Variants in THSD7B observed in about 807,000 individuals in gnomAD.
The protein encoded by THSD7B is thrombospondin type 1 domain containing 7B.
THSD7B carries 138 observed loss-of-function variants against 213.6 expected under a neutral mutation model. The observed-to-expected ratio is 0.65, with a 90% confidence interval of 0.56 to 0.74. THSD7B has a LOEUF of 0.74. Among genes scored for constraint, THSD7B ranks in the 30% least tolerant of loss-of-function variants. The pLI is 0.00. For missense variants in THSD7B, 1,931 were observed against 1,991.5 expected (o/e 0.97, Z 0.58); for synonymous variants, 742 against 687.0 (o/e 1.08, Z -1.25).
chr2:136,966,129 G>T (rs895256335), intron 2 of THSD7B, among the ~76,000 whole-genome samples: 2 of 152,086 alleles, frequency 1.3e-5, no homozygotes, highest in African/African-American at 4.8e-5. Context: ...TCTCACAGTG[G>T]TCTCAGGGAT....
At chr2:137,365,270 T>C (rs1404924911) in intron 12 of THSD7B, among the ~76,000 whole-genome samples, 1 of 152,042 alleles carries the variant, frequency 6.6e-6, no homozygotes, top group Admixed American at 6.6e-5. Context: ...ACCTGTTAGA[T>C]CTAAAACCAT....
At chr2:137,556,585 A>G (rs1203574373) in intron 15 of THSD7B, among the ~76,000 whole-genome samples, 1 of 152,224 alleles carries the variant, frequency 6.6e-6, no homozygotes, top group African/African-American at 2.4e-5. Context: ...CCACTGCAAA[A>G]ACATGCCAAA....
At chr2:137,059,673 C>T (rs929939107) in intron 3 of THSD7B, among the ~76,000 whole-genome samples, 3 of 151,694 alleles carry the variant, frequency 2.0e-5, no homozygotes, top group Admixed American at 6.6e-5. Context: ...TTGCAATACG[C>T]ATTTAAGTTT....
At chr2:137,363,976 G>T (rs1193541642) in intron 12 of THSD7B, among the ~76,000 whole-genome samples, 1 of 152,174 alleles carries the variant, frequency 6.6e-6, no homozygotes. Context: ...GATGAACTTT[G>T]ATGTGAAAAT....
At chr2:137,003,770 G>A (rs1457537931) in intron 2 of THSD7B, among the ~76,000 whole-genome samples, 1 of 152,074 alleles carries the variant, frequency 6.6e-6, no homozygotes. Flanking sequence ...CTAATCCTCA[G>A]GTGAAAGGTA....
At chr2:137,675,305 A>C (rs1683672480) in intron 27 of THSD7B, among the ~76,000 whole-genome samples, 1 of 23,862 alleles carries the variant, frequency 4.2e-5, no homozygotes, top group Non-Finnish European at 1.9e-4. Flanking sequence ...TGTATAGATT[A>C]AAATCTTTGT....
At chr2:136,993,250 T>A (rs1685821124) in intron 2 of THSD7B, among the ~76,000 whole-genome samples, 1 of 152,182 alleles carries the variant, frequency 6.6e-6, no homozygotes, top group Non-Finnish European at 1.5e-5. Flanking sequence ...TTCTTAGGCA[T>A]CTCCATTTAG....
intron 7 of THSD7B, among the ~76,000 whole-genome samples, chr2:137,230,719 A>T (rs1447967852): frequency 6.6e-6 from 1 of 152,180 alleles, no homozygotes; most frequent in Non-Finnish European, 1.5e-5. Context: ...GACAGCTCTG[A>T]CTTCCGTTTT....
At chr2:137,077,768 C>T (rs568377557) in intron 3 of THSD7B, among the ~76,000 whole-genome samples, 4,539 of 134,496 alleles carry the variant, frequency 0.034, 206 homozygotes, top group African/African-American at 0.075. Flanking sequence ...TCTCCCATTC[C>T]ATAGGTTGCC....
At chr2:137,602,679 G>C (rs1682098245) in intron 17 of THSD7B, among the ~76,000 whole-genome samples, 1 of 152,190 alleles carries the variant, frequency 6.6e-6, no homozygotes, top group Non-Finnish European at 1.5e-5. Context: ...AGCATCAGTG[G>C]TGGGGGACAA....
At position 137,378,133 on chromosome 2, in the gene THSD7B, C is replaced by G. The variant is rs371218693; in HGVS notation, c.2501-27480C>G. 7.2e-5 allele frequency among the ~76,000 whole-genome samples: 11 copies of G among 152,038 alleles called. No homozygotes were observed. In the South Asian group the frequency reaches 2.3e-3, roughly 32 times the overall value. ...TAAAACCTGGGAGAGGATCACTGAT[C>G]TATTAAAAACAACAAAAAAAAGCCT... On this transcript the variant is annotated intron_variant, in intron 12 of 27. Coordinates refer to ENST00000409968, the MANE Select transcript of THSD7B (RefSeq NM_001316349.2).
intron 12 of THSD7B, among the ~76,000 whole-genome samples, chr2:137,297,110 AG>A (rs199918256): frequency 6.8e-6 from 1 of 147,210 alleles, no homozygotes; most frequent in African/African-American, 2.5e-5. Context: ...TGAATATTGG[AG>A]GGGGGTCCCA....
intron 2 of THSD7B, among the ~76,000 whole-genome samples, chr2:136,922,562 G>T (rs1282640208): frequency 6.6e-6 from 1 of 152,014 alleles, no homozygotes; most frequent in Non-Finnish European, 1.5e-5. Context: ...ATTTTTGTAT[G>T]TTTTCATTTT....
At chr2:137,066,758 T>C (rs774570011) in intron 3 of THSD7B, among the ~76,000 whole-genome samples, 1 of 152,150 alleles carries the variant, frequency 6.6e-6, no homozygotes, top group African/African-American at 2.4e-5. Context: ...GGAAAATTCT[T>C]AGCCATTATT....
chr2:137,289,411 G>T lies in THSD7B; in HGVS notation c.2500+13385G>T, dbSNP rs914497775. Among the ~76,000 whole-genome samples, 5 of 151,574 alleles carry T rather than the reference G, an allele frequency of 3.3e-5. No homozygotes were observed. In the East Asian group the frequency reaches 5.8e-4, roughly 18 times the overall value. ...TAACAGAGTTTTCTCAAACTCATTTGCCTGTAGACTGTTTATCATGAAATA... is the reference window on the plus strand; with the variant it reads ...TAACAGAGTTTTCTCAAACTCATTTTCCTGTAGACTGTTTATCATGAAATA... On this transcript the variant is annotated intron_variant, in intron 12 of 27. Coordinates refer to ENST00000409968, the MANE Select transcript of THSD7B (RefSeq NM_001316349.2).
chr2:137,052,678 A>G (rs1327729271), intron 2 of THSD7B, among the ~76,000 whole-genome samples: 1 of 152,114 alleles, frequency 6.6e-6, no homozygotes, highest in African/African-American at 2.4e-5. Context: ...GAGATGTAAG[A>G]TTTCTCAAAC....
At chr2:137,158,918 T>G (rs1679958375) in intron 5 of THSD7B, among the ~76,000 whole-genome samples, 12 of 152,168 alleles carry the variant, frequency 7.9e-5, no homozygotes, top group Admixed American at 7.9e-4. Flanking sequence ...AAATAACATT[T>G]TCGGAACTTT....
At chr2:137,049,445 AT>A (rs1303256381) in intron 2 of THSD7B, among the ~76,000 whole-genome samples, 1 of 152,258 alleles carries the variant, frequency 6.6e-6, no homozygotes, top group Non-Finnish European at 1.5e-5. Context: ...GATCTCATGC[AT>A]TGATGTCCTC....
At chr2:137,186,215 G>A (rs1277495439) in intron 7 of THSD7B, among the ~76,000 whole-genome samples, 1 of 152,036 alleles carries the variant, frequency 6.6e-6, no homozygotes, top group Non-Finnish European at 1.5e-5. Flanking sequence ...TTCTTGCTGT[G>A]CAGAAGCTCT....
Sources: allele counts gnomAD v4.1 joint callset (sites outside exome capture counted in the v4.1 genomes callset), GRCh38; gene constraint gnomAD v4.1.1; transcripts MANE v1.5; gene names NCBI Gene and HGNC (gene_info 2026-07-23, HGNC 2026-07-21).